UFM1: variants seen among roughly 807,000 people sequenced by gnomAD.
UFM1 encodes ubiquitin fold modifier 1.
Under a neutral mutation model 15.4 loss-of-function variants are expected in UFM1, and 9 were observed. The observed-to-expected ratio is 0.59, with a 90% CI of 0.35 to 1.02. UFM1 has a LOEUF of 1.02. UFM1 is among the 50% of genes least tolerant of loss of function. The pLI is 0.02. For missense variants in UFM1, 98 were observed against 104.7 expected (o/e 0.94, Z 0.28); for synonymous variants, 27 against 36.3 (o/e 0.74, Z 0.92).
In UFM1 at chr13:38,358,074, T is replaced by TA; in HGVS notation, c.118-19_118-18insA. 1 of 1,265,512 alleles carries TA rather than the reference T, an allele frequency of 7.9e-7. No homozygotes were observed. The highest frequency in any genetic ancestry group is 1.1e-6 in the Non-Finnish European group (1 of 932,970). 78.4% of individuals were successfully genotyped at this position (1,265,512 alleles called of 1,614,324 possible). A position where few individuals can be genotyped will look rare whatever the true frequency, so the allele number is the denominator to read the frequency against. ...GTGTGTGTGTATATATATATATATTTTTTTTTCCTTCTATTTAGTTTAAAG... is the reference window on the plus strand; with the variant it reads ...GTGTGTGTGTATATATATATATATTTATTTTTTCCTTCTATTTAGTTTAAAG... On this transcript the variant is annotated intron_variant, in intron 3 of 5. Coordinates refer to ENST00000239878, the MANE Select transcript of UFM1 (RefSeq NM_016617.4).
chr13:38,351,243 G>A (rs1469752386), intron 2 of UFM1, among the ~76,000 whole-genome samples: 2 of 152,182 alleles, frequency 1.3e-5, no homozygotes, highest in South Asian at 2.1e-4. Context: ...TCTGAAACCA[G>A]CTGTTTGTAT....
intron 2 of UFM1, 25 bp downstream of exon 2, chr13:38,350,080 C>T (rs201225534): frequency 3.7e-6 from 6 of 1,614,220 alleles, no homozygotes; most frequent in South Asian, 3.3e-5. Context: ...CGAGATGGGC[C>T]TTTTGGGGCC....
chr13:38,352,490 T>C lies in UFM1; in HGVS notation c.60-1749T>C, dbSNP rs922898074. ...TAATAATTCTTACCAATTTATGTTA[T>C]TATTTTGTTTATATATTTATTTAAA... On this transcript the variant is annotated intron_variant, in intron 2 of 5. Transcript: ENST00000239878. Among the ~76,000 whole-genome samples, 9 of 151,434 alleles carry C rather than the reference T, an allele frequency of 5.9e-5. 1 individual carries two copies. The highest frequency in any genetic ancestry group is 6.8e-3 in the Middle Eastern group (2 of 294).
intron 3 of UFM1, 91 bp downstream of exon 3, chr13:38,354,387 A>G: frequency 5.4e-6 from 6 of 1,106,190 alleles, no homozygotes; most frequent in Non-Finnish European, 7.8e-6. Context: ...TTGACCCATC[A>G]TTTCCATGTG....
In UFM1 at chr13:38,359,321, GCA is replaced by G. The variant is rs1348546052; in HGVS notation, c.181_182del (p.Gln61AspfsTer18). On this transcript the variant is annotated frameshift_variant, in exon 5 of 6. Coordinates refer to ENST00000239878, the MANE Select transcript of UFM1 (RefSeq NM_016617.4). LOFTEE classifies it high-confidence loss of function. ...TCTAGATGGAATAGGAATAAATCCTGCACAGACTGCTGGTGAGTATTTGAAAA... is the reference window on the plus strand; with the variant it reads ...TCTAGATGGAATAGGAATAAATCCTGCAGACTGCTGGTGAGTATTTGAAAA... Reference protein sequence around the residue: ...ITNDGIGINPAQTAGNVFLKH... With the variant: ...ITNDGIGINPXQTAGNVFLKH... The G allele has an allele frequency of 6.2e-7, 1 of 1,611,488 alleles. No homozygotes were observed. Among genetic ancestry groups the G allele is most frequent in the Non-Finnish European group, 8.5e-7 (1 of 1,178,212 alleles).
chr13:38,353,201 T>C (rs1878940306), intron 2 of UFM1, among the ~76,000 whole-genome samples: 1 of 152,116 alleles, frequency 6.6e-6, no homozygotes, highest in African/African-American at 2.4e-5. Context: ...ATGATTCTTA[T>C]AGTCAGAGAT....
At position 38,353,230 on chromosome 13, in the gene UFM1, G is replaced by C. The variant is rs948067441; in HGVS notation, c.60-1009G>C. On this transcript the variant is annotated intron_variant, in intron 2 of 5. Coordinates refer to ENST00000239878, the MANE Select transcript of UFM1 (RefSeq NM_016617.4). Reference sequence around the variant, plus strand: ...CAGAGATCTGTAGACTGAGTGAGGAGCCTGGGCATATACATGAGAATAATG... The same window carrying C: ...CAGAGATCTGTAGACTGAGTGAGGACCCTGGGCATATACATGAGAATAATG... Among the ~76,000 whole-genome samples, 15 of 152,086 alleles carry C rather than the reference G, an allele frequency of 9.9e-5. 1 individual carries two copies. The highest frequency in any genetic ancestry group is 2.7e-4 in the African/African-American group (11 of 41,406).
In UFM1 at chr13:38,350,047, G is replaced by A. The variant is rs143474592; in HGVS notation, c.51G>A (p.Pro17=). Residue 17 remains proline (P), a synonymous_variant, in exon 2 of 6, where the codon CCG becomes CCA. Coordinates refer to ENST00000239878, the MANE Select transcript of UFM1 (RefSeq NM_016617.4). Reference sequence around the variant, plus strand: ...CGCTGACGTCGGACCCACGGCTGCCGTACAAAGTGTGAGTAGCTCGGCCGA... The same window carrying A: ...CGCTGACGTCGGACCCACGGCTGCCATACAAAGTGTGAGTAGCTCGGCCGA... ...KITLTSDPRL[P]YKVLSVPEST... 3.2e-5 allele frequency: 52 copies of A among 1,614,108 alleles called. No homozygotes were observed. Among genetic ancestry groups the A allele is most frequent in the Non-Finnish European group, 4.2e-5 (49 of 1,180,052 alleles).
At position 38,359,294 on chromosome 13, in the gene UFM1, T is replaced by C; in HGVS notation, c.158-7T>C. The C allele has an allele frequency of 6.2e-7, 1 of 1,607,790 alleles. No homozygotes were observed. The highest frequency in any genetic ancestry group is 8.5e-7 in the Non-Finnish European group (1 of 1,177,066). On this transcript the variant is annotated splice_region_variant and splice_polypyrimidine_tract_variant and intron_variant, in intron 4 of 5. Transcript: ENST00000239878. ...TAATGTATGTGATTTTACAACTTAT[T>C]TTCTAGATGGAATAGGAATAAATCC...
chr13:38,355,846 AG>A (rs1879069468), intron 3 of UFM1, among the ~76,000 whole-genome samples: 1 of 151,850 alleles, frequency 6.6e-6, no homozygotes, highest in Non-Finnish European at 1.5e-5. Context: ...AGAATCATTC[AG>A]TGAGAACAAA....
intron 2 of UFM1, among the ~76,000 whole-genome samples, chr13:38,351,818 TTAGTA>T (rs761698367): frequency 5.3e-5 from 8 of 152,156 alleles, no homozygotes; most frequent in Non-Finnish European, 1.0e-4. Flanking sequence ...CAACTGTTGT[TTAGTA>T]TGTATGTGTG....
chr13:38,357,513 G>GTTTT (rs34489703), intron 3 of UFM1, among the ~76,000 whole-genome samples: 5 of 149,140 alleles, frequency 3.4e-5, no homozygotes, highest in Non-Finnish European at 4.5e-5. Context: ...ATAATACAGG[G>GTTTT]TTTTTTTTTT....
intron 3 of UFM1, among the ~76,000 whole-genome samples, chr13:38,357,342 C>T (rs1264592288): frequency 6.6e-6 from 1 of 151,808 alleles, no homozygotes; most frequent in African/African-American, 2.4e-5. Context: ...GTACTTTTTG[C>T]TGTTCAAGAG....
intron 3 of UFM1, chr13:38,354,528 TGAATTTTTATGA>T (rs1370416860): frequency 8.2e-6 from 3 of 366,554 alleles, no homozygotes; most frequent in East Asian, 4.1e-5. Flanking sequence ...AAGAATTTAA[TGAATTTTTATGA>T]GAATTTTTAT....
At chr13:38,351,097 C>G (rs984743715) in intron 2 of UFM1, among the ~76,000 whole-genome samples, 1 of 152,170 alleles carries the variant, frequency 6.6e-6, no homozygotes, top group Non-Finnish European at 1.5e-5. Flanking sequence ...TAGCTATCCC[C>G]ACTTCTATTC....
intron 2 of UFM1, among the ~76,000 whole-genome samples, chr13:38,352,690 G>C (rs997865615): frequency 6.6e-6 from 1 of 152,118 alleles, no homozygotes; most frequent in Non-Finnish European, 1.5e-5. Context: ...CTGCCAGTTA[G>C]AACTTGCATT....
At chr13:38,356,908 C>G (rs1879126139) in intron 3 of UFM1, among the ~76,000 whole-genome samples, 1 of 151,812 alleles carries the variant, frequency 6.6e-6, no homozygotes, top group Admixed American at 6.6e-5. Flanking sequence ...TGGATAAATG[C>G]ATAAACTGTG....
Position 38,349,895 on chromosome 13 carries a change from G to A in UFM1, c.-25G>A. 1 of 1,614,138 alleles carries A rather than the reference G, an allele frequency of 6.2e-7. No homozygotes were observed. Among genetic ancestry groups the A allele is most frequent in the Non-Finnish European group, 8.5e-7 (1 of 1,180,028 alleles). On this transcript the variant is annotated 5_prime_UTR_variant, in exon 1 of 6. Transcript: ENST00000239878. ...TGCTACCCCCGCGGAGTTGTCGTGT[G>A]TTCTGGATTCATTCCGGCACCACCA...
Position 38,349,913 on chromosome 13 carries a change from C to A in UFM1, c.-7C>A. 6.2e-7 allele frequency: 1 copy of A among 1,614,170 alleles called. No individual in the cohort carries two copies. The highest frequency in any genetic ancestry group is 1.1e-5 in the South Asian group (1 of 91,088). ...GTCGTGTGTTCTGGATTCATTCCGG[C>A]ACCACCATGTAAGTGTTTGCTTACC... On this transcript the variant is annotated 5_prime_UTR_variant, in exon 1 of 6. Transcript: ENST00000239878.
Sources: allele counts gnomAD v4.1 joint callset (sites outside exome capture counted in the v4.1 genomes callset), GRCh38; gene constraint gnomAD v4.1.1; transcripts MANE v1.5; gene names NCBI Gene and HGNC (gene_info 2026-07-23, HGNC 2026-07-21).